TRDMT1: variants seen among roughly 807,000 people sequenced by gnomAD.
TRDMT1 encodes tRNA (cytosine(38)-C(5))-methyltransferase.
TRDMT1 carries 49 observed loss-of-function variants against 51.2 expected under a neutral mutation model. The ratio of observed to expected loss-of-function variants is 0.96; its 90% CI spans 0.76 to 1.21. The LOEUF is 1.21. TRDMT1 is among the 50% of genes most tolerant of loss of function. TRDMT1 has a pLI of 0.00. For missense variants in TRDMT1, 534 were observed against 462.3 expected (o/e 1.16, Z -1.42); for synonymous variants, 187 against 164.6 (o/e 1.14, Z -1.04).
intron 1 of TRDMT1, among the ~76,000 whole-genome samples, chr10:17,180,488 C>T (rs1588630565): frequency 6.9e-6 from 1 of 144,284 alleles, no homozygotes; most frequent in South Asian, 2.4e-4. Context: ...TGCAGTGAGC[C>T]GAGATTGCGC....
intron 1 of TRDMT1, among the ~76,000 whole-genome samples, chr10:17,194,544 G>GA (rs919180621): frequency 9.9e-5 from 15 of 151,448 alleles, no homozygotes; most frequent in Non-Finnish European, 1.8e-4. Context: ...TCAACAAAAT[G>GA]AAAAAAAATA....
At chr10:17,166,252 C>T (rs1841188627) in intron 3 of TRDMT1, among the ~76,000 whole-genome samples, 2 of 151,712 alleles carry the variant, frequency 1.3e-5, no homozygotes, top group Non-Finnish European at 2.9e-5. Flanking sequence ...CCATCATTCT[C>T]AGCAAACTAT....
At chr10:17,186,068 T>TAAA (rs1281762467) in intron 1 of TRDMT1, among the ~76,000 whole-genome samples, 1 of 151,002 alleles carries the variant, frequency 6.6e-6, no homozygotes, top group Non-Finnish European at 1.5e-5. Context: ...AATAAATAAA[T>TAAA]AAATAAATAA....
rs1839089867 is a variant in TRDMT1, at chr10:17,153,635, A to G, written c.947T>C (p.Val316Ala). 1 of 1,569,436 alleles carries G rather than the reference A, an allele frequency of 6.4e-7. No individual in the cohort carries two copies. Among genetic ancestry groups the G allele is most frequent in the Non-Finnish European group, 8.6e-7 (1 of 1,159,186 alleles). The stretch of plus-strand genomic sequence containing the variant: ...GGTAAGGGATTTGTAGATATTCTCA[A>G]CCTGTAAGAAAATACCCAAGATAAC... ...SVLQTAEDVQ[V>A]ENIYKSLTNL... The change falls in exon 10 of 11, where the codon GTT (valine) becomes GCT (alanine). Residue 316 changes from valine to alanine, a missense_variant and splice_region_variant. Physicochemically the swap from Val to Ala is moderately conservative, Grantham distance 64. Transcript: ENST00000377799.
chr10:17,174,788 A>G, intron 1 of TRDMT1, 128 bp from the exon 2 acceptor site: 2 of 744,096 alleles, frequency 2.7e-6, no homozygotes, highest in Non-Finnish European at 2.2e-6. Flanking sequence ...TCAGACTGTC[A>G]GTGGAAGGTC....
intron 8 of TRDMT1, 122 bp downstream of exon 8, chr10:17,157,319 T>C (rs966288239): frequency 9.4e-6 from 9 of 959,598 alleles, no homozygotes; most frequent in Non-Finnish European, 1.4e-5. Flanking sequence ...TAAGGGAAAA[T>C]ACCTCATTCT....
intron 1 of TRDMT1, 192 bp downstream of exon 1, chr10:17,201,379 A>AG: frequency 1.9e-6 from 1 of 538,186 alleles, no homozygotes. Context: ...CGCCAGGAGA[A>AG]GGGAGTCAGC....
intron 2 of TRDMT1, among the ~76,000 whole-genome samples, chr10:17,170,995 C>G (rs560059951): frequency 1.3e-5 from 2 of 148,266 alleles, no homozygotes; most frequent in African/African-American, 4.9e-5. Flanking sequence ...AGTACATTAG[C>G]TAACAGATCC....
intron 1 of TRDMT1, among the ~76,000 whole-genome samples, chr10:17,189,409 A>C (rs1309996786): frequency 6.6e-6 from 1 of 152,216 alleles, no homozygotes; most frequent in African/African-American, 2.4e-5. Flanking sequence ...GAAAAATGGT[A>C]GATTCACAGC....
At chr10:17,182,496 A>G (rs74117736) in intron 1 of TRDMT1, among the ~76,000 whole-genome samples, 3,734 of 152,306 alleles carry the variant, frequency 0.025, 138 homozygotes, top group African/African-American at 0.083. Context: ...CAAACTGGCA[A>G]ACAGAGCAAT....
At chr10:17,176,726 C>G (rs927886399) in intron 1 of TRDMT1, among the ~76,000 whole-genome samples, 1 of 152,134 alleles carries the variant, frequency 6.6e-6, no homozygotes, top group African/African-American at 2.4e-5. Flanking sequence ...AAAGGTTAAA[C>G]TTACAGATAA....
At chr10:17,181,729 T>C (rs1338955829) in intron 1 of TRDMT1, among the ~76,000 whole-genome samples, 1 of 152,120 alleles carries the variant, frequency 6.6e-6, no homozygotes, top group Non-Finnish European at 1.5e-5. Context: ...CAAAATTCTA[T>C]TTATGTTACA....
At chr10:17,165,719 C>T (rs533626165) in intron 3 of TRDMT1, among the ~76,000 whole-genome samples, 6 of 152,162 alleles carry the variant, frequency 3.9e-5, no homozygotes, top group African/African-American at 1.2e-4. Flanking sequence ...AGGATATGAA[C>T]AGACACTTCT....
At position 17,138,369 on chromosome 10, in the gene TRDMT1, T is replaced by C. The variant is rs970900847; in HGVS notation, c.*10671A>G. 1.3e-5 allele frequency among the ~76,000 whole-genome samples: 2 copies of C among 152,216 alleles called. No homozygotes were observed. The highest frequency in any genetic ancestry group is 4.8e-5 in the African/African-American group (2 of 41,466). On this transcript the variant is annotated 3_prime_UTR_variant, in exon 11 of 11. Transcript: ENST00000377799. ...AAAGATACATTTACATATGTCAGTTTTGTGATTTTCTGCAAAATTTCAGGG... is the reference window on the plus strand; with the variant it reads ...AAAGATACATTTACATATGTCAGTTCTGTGATTTTCTGCAAAATTTCAGGG...
intron 5 of TRDMT1, among the ~76,000 whole-genome samples, chr10:17,160,600 A>T: frequency 6.6e-6 from 1 of 151,990 alleles, no homozygotes; most frequent in Non-Finnish European, 1.5e-5. Flanking sequence ...TCTCCTGAGT[A>T]ACTGGGATTA....
chr10:17,164,018 T>C (rs1270314297), intron 3 of TRDMT1, among the ~76,000 whole-genome samples: 4 of 152,186 alleles, frequency 2.6e-5, no homozygotes, highest in Non-Finnish European at 5.9e-5. Context: ...ACTCATTTTA[T>C]AAGGCCAGCA....
At chr10:17,186,033 C>A (rs1321104940) in intron 1 of TRDMT1, among the ~76,000 whole-genome samples, 1 of 143,646 alleles carries the variant, frequency 7.0e-6, no homozygotes, top group Non-Finnish European at 1.5e-5. Flanking sequence ...GCACATGTAC[C>A]CTAGAACTTA....
chr10:17,159,140 T>C lies in TRDMT1; in HGVS notation c.543+6A>G, dbSNP rs1168257345. The C allele has an allele frequency of 1.3e-6, 2 of 1,558,836 alleles. No homozygotes were observed. The highest frequency in any genetic ancestry group is 3.9e-5 in the Admixed American group (2 of 50,700). On this transcript the variant is annotated splice_donor_region_variant and intron_variant, in intron 7 of 10. Coordinates refer to ENST00000377799, the MANE Select transcript of TRDMT1 (RefSeq NM_004412.7). ...AATATTCATAATAAAATTCCAATAATAATACCTGACCAGGGGCTTGAAAGG... is the reference window on the plus strand; with the variant it reads ...AATATTCATAATAAAATTCCAATAACAATACCTGACCAGGGGCTTGAAAGG...
At chr10:17,166,134 A>G (rs1841172276) in intron 3 of TRDMT1, among the ~76,000 whole-genome samples, 1 of 152,180 alleles carries the variant, frequency 6.6e-6, no homozygotes, top group Non-Finnish European at 1.5e-5. Flanking sequence ...GTGTCCAACA[A>G]TGATAGACTA....
Sources: gnomAD v4.1 joint callset for allele counts (sites outside exome capture counted in the v4.1 genomes callset) on GRCh38, gnomAD v4.1.1 for gene constraint, MANE v1.5 for transcripts, NCBI Gene and HGNC (gene_info 2026-07-23, HGNC 2026-07-21) for gene names.